SHISA6: variants seen among roughly 807,000 people sequenced by gnomAD.
SHISA6 encodes protein shisa-6.
In SHISA6, 22 loss-of-function variants were observed where a neutral mutation model predicts 47.9. The observed-to-expected ratio is 0.46, with a 90% CI of 0.33 to 0.66. The LOEUF (loss-of-function observed/expected upper bound fraction) is 0.66. Ranked by LOEUF, SHISA6 falls within the 30% of genes least tolerant of loss-of-function variation. The pLI is 0.02. For synonymous variants in SHISA6, 388 were observed against 337.8 expected (o/e 1.15, Z -1.63); for missense variants, 680 against 764.6 (o/e 0.89, Z 1.30).
intron 2 of SHISA6, among the ~76,000 whole-genome samples, chr17:11,344,614 C>G (rs1245567820): frequency 6.6e-6 from 1 of 152,060 alleles, no homozygotes; most frequent in Admixed American, 6.5e-5. Flanking sequence ...TTGCCTATTT[C>G]ATTAATCTAT....
chr17:11,510,585 T>G (rs1015906145), intron 3 of SHISA6, among the ~76,000 whole-genome samples: 1 of 152,182 alleles, frequency 6.6e-6, no homozygotes, highest in Non-Finnish European at 1.5e-5. Flanking sequence ...TTGTTCTAGC[T>G]GGTTCCTATG....
intron 2 of SHISA6, among the ~76,000 whole-genome samples, chr17:11,348,675 C>T (rs530161758): frequency 1.3e-5 from 2 of 152,052 alleles, no homozygotes; most frequent in African/African-American, 4.8e-5. Flanking sequence ...TTTCTTCTTC[C>T]CTTTTTTCCT....
chr17:11,563,299 T>C lies in SHISA6; in HGVS notation c.*4995T>C, dbSNP rs771321999. ...CTGGACACTGAGGCTCCATTCCAAC[T>C]GGAGGAGGAGGCATCTCCATCTGGG... On this transcript the variant is annotated 3_prime_UTR_variant, in exon 6 of 6. Transcript: ENST00000441885. 6.6e-6 allele frequency: 1 copy of C among 152,220 alleles called. No individual in the cohort carries two copies. The highest frequency in any genetic ancestry group is 2.4e-5 in the African/African-American group (1 of 41,462). 9.4% of individuals were successfully genotyped at this position (152,220 alleles called of 1,614,324 possible). A position where few individuals can be genotyped will look rare whatever the true frequency, so the allele number is the denominator to read the frequency against.
At chr17:11,481,021 A>G (rs1335801952) in intron 3 of SHISA6, among the ~76,000 whole-genome samples, 2 of 151,914 alleles carry the variant, frequency 1.3e-5, no homozygotes, top group Non-Finnish European at 2.9e-5. Context: ...GCTTATGCCT[A>G]TAATCCCAGC....
intron 3 of SHISA6, among the ~76,000 whole-genome samples, chr17:11,465,373 G>C (rs1915784875): frequency 6.6e-6 from 1 of 152,070 alleles, no homozygotes; most frequent in South Asian, 2.1e-4. Flanking sequence ...TCCTATACTA[G>C]ATTATCAAAT....
chr17:11,314,732 G>T (rs937064513), intron 2 of SHISA6, among the ~76,000 whole-genome samples: 4 of 151,880 alleles, frequency 2.6e-5, no homozygotes, highest in East Asian at 3.9e-4. Flanking sequence ...TAGAGACGGG[G>T]TTTCACCATA....
chr17:11,465,408 A>T lies in SHISA6; in HGVS notation c.895+85899A>T, dbSNP rs149966902. 2.5e-3 allele frequency among the ~76,000 whole-genome samples: 383 copies of T among 152,222 alleles called. 5 individuals carry two copies. Among genetic ancestry groups the T allele is most frequent in the Admixed American group, 0.022 (333 of 15,286 alleles). On this transcript the variant is annotated intron_variant, in intron 3 of 5. Transcript: ENST00000441885. Reference sequence around the variant, plus strand: ...TCTTGGAGGACATGAATTAGGCCACATGAAGCATTTTTGTTTGAAATAGTG... The same window carrying T: ...TCTTGGAGGACATGAATTAGGCCACTTGAAGCATTTTTGTTTGAAATAGTG...
At chr17:11,308,872 C>T (rs1005184401) in intron 2 of SHISA6, among the ~76,000 whole-genome samples, 3 of 152,170 alleles carry the variant, frequency 2.0e-5, no homozygotes, top group Admixed American at 6.6e-5. Flanking sequence ...CAAATTAGTT[C>T]GGTAAACCTG....
intron 3 of SHISA6, among the ~76,000 whole-genome samples, chr17:11,491,461 A>G (rs1006528257): frequency 6.6e-6 from 1 of 151,980 alleles, no homozygotes; most frequent in African/African-American, 2.4e-5. Flanking sequence ...TCACCATGCC[A>G]GCTAACTTTT....
chr17:11,245,406 G>A (rs998238451), intron 1 of SHISA6, among the ~76,000 whole-genome samples: 1 of 152,150 alleles, frequency 6.6e-6, no homozygotes, highest in East Asian at 1.9e-4. Context: ...ACTGACTTCC[G>A]CACAGCTCCC....
chr17:11,296,487 AG>A (rs1909754835), intron 2 of SHISA6, among the ~76,000 whole-genome samples: 1 of 152,150 alleles, frequency 6.6e-6, no homozygotes, highest in Non-Finnish European at 1.5e-5. Context: ...GATGGATCCC[AG>A]GTGTTTGACT....
intron 3 of SHISA6, among the ~76,000 whole-genome samples, chr17:11,398,318 GTGATGA>G (rs889738642): frequency 6.6e-6 from 1 of 152,020 alleles, no homozygotes. Context: ...GGATATGATG[GTGATGA>G]TGATGATGAG....
chr17:11,532,478 C>T (rs1050233696), intron 3 of SHISA6, among the ~76,000 whole-genome samples: 5 of 152,038 alleles, frequency 3.3e-5, no homozygotes, highest in African/African-American at 2.4e-5. Context: ...ATAGGCTGTG[C>T]GCGCGCGTGT....
intron 3 of SHISA6, among the ~76,000 whole-genome samples, chr17:11,390,060 A>G (rs1169928357): frequency 6.6e-6 from 1 of 152,190 alleles, no homozygotes; most frequent in Non-Finnish European, 1.5e-5. Flanking sequence ...AAACATAACT[A>G]TATTCTGTGC....
intron 2 of SHISA6, among the ~76,000 whole-genome samples, chr17:11,358,034 G>T (rs752069497): frequency 6.6e-6 from 1 of 151,710 alleles, no homozygotes; most frequent in African/African-American, 2.4e-5. Flanking sequence ...TTTTAATTAC[G>T]GTAAAATATA....
At position 11,371,737 on chromosome 17, in the gene SHISA6, C is replaced by CA. The variant is rs751086871; in HGVS notation, c.800-7675dup. On this transcript the variant is annotated intron_variant, in intron 2 of 5. Coordinates refer to ENST00000441885, the MANE Select transcript of SHISA6 (RefSeq NM_207386.4). ...TCAAATTAAAAAGTACAGAGAAAAACAACAAAAAAAAATGGCCCATGAGCC... is the reference window on the plus strand; with the variant it reads ...TCAAATTAAAAAGTACAGAGAAAAACAAACAAAAAAAAATGGCCCATGAGCC... 4.8e-3 allele frequency among the ~76,000 whole-genome samples: 710 copies of CA among 148,094 alleles called. 3 individuals carry two copies. The highest frequency in any genetic ancestry group is 0.017 in the Middle Eastern group (5 of 292).
chr17:11,309,741 A>G (rs1910250680), intron 2 of SHISA6, among the ~76,000 whole-genome samples: 1 of 152,188 alleles, frequency 6.6e-6, no homozygotes, highest in Admixed American at 6.5e-5. Context: ...TTGTGTGATA[A>G]CTTTGGCAGC....
intron 2 of SHISA6, among the ~76,000 whole-genome samples, chr17:11,287,850 AAAAT>A (rs1464385141): frequency 6.6e-6 from 1 of 152,314 alleles, no homozygotes; most frequent in East Asian, 1.9e-4. Flanking sequence ...AAGAACATAA[AAAAT>A]AAACTATGCA....
At chr17:11,525,404 G>C (rs1207408605) in intron 3 of SHISA6, among the ~76,000 whole-genome samples, 1 of 151,962 alleles carries the variant, frequency 6.6e-6, no homozygotes, top group Non-Finnish European at 1.5e-5. Flanking sequence ...GGAGGCCAAG[G>C]TGGGCAGACG....
Sources: allele counts gnomAD v4.1 joint callset (sites outside exome capture counted in the v4.1 genomes callset), GRCh38; gene constraint gnomAD v4.1.1; transcripts MANE v1.5; gene names NCBI Gene and HGNC (gene_info 2026-07-23, HGNC 2026-07-21).